The following IRF5 variants were observed in gnomAD, a reference collection of about 807,000 sequenced individuals.
The protein encoded by IRF5 is interferon regulatory factor 5.
A neutral mutation model predicts 55.1 loss-of-function variants in IRF5; 24 were observed. The observed-to-expected ratio is 0.44, with a 90% CI of 0.32 to 0.61. The LOEUF (loss-of-function observed/expected upper bound fraction) is 0.61. IRF5 is among the 20% of genes least tolerant of loss of function. The pLI, the probability that IRF5 is intolerant of heterozygous loss-of-function variation, is 0.07. For missense variants in IRF5, 499 were observed against 658.5 expected (o/e 0.76, Z 2.65); for synonymous variants, 258 against 260.2 (o/e 0.99, Z 0.08).
intron 1 of IRF5, among the ~76,000 whole-genome samples, chr7:128,938,498 A>G (rs1226198083): frequency 1.3e-5 from 2 of 152,008 alleles, no homozygotes; most frequent in Non-Finnish European, 2.9e-5. Context: ...CTTTCGATGC[A>G]CTCGCCCTTG....
intron 2 of IRF5, among the ~76,000 whole-genome samples, chr7:128,945,641 AT>A (rs1796257828): frequency 6.6e-6 from 1 of 152,236 alleles, no homozygotes; most frequent in South Asian, 2.1e-4. Flanking sequence ...TAGCCCCTAG[AT>A]TTCATGTAGC....
rs1380599805 is a variant in IRF5 at position 128,948,790 on chromosome 7, G to A, written c.1517G>A (p.Trp506Ter). ...GAGLGVGQGP[W>*]PMHPAGMQ ...GGCCTTGGTGTTGGCCAGGGGCCCT[G>A]GCCTATGCACCCAGCTGGCATGCAA... is the stretch of plus-strand genomic sequence containing the variant. Residue 506 changes from tryptophan (W) to a stop codon, truncating the protein, a stop_gained, in exon 9 of 9, where the codon TGG becomes TAG. Coordinates refer to ENST00000357234, the MANE Select transcript of IRF5 (RefSeq NM_001098629.3). LOFTEE classifies it high-confidence loss of function. The surrounding 1 kb of genome is among the most constrained non-coding windows in gnomAD (Gnocchi z 4.6). The A allele has an allele frequency of 6.2e-7, 1 of 1,606,808 alleles. No homozygotes were observed. The highest frequency in any genetic ancestry group is 8.5e-7 in the Non-Finnish European group (1 of 1,179,936).
Position 128,948,193 on chromosome 7 carries a change from C to A in IRF5, c.1181-17C>A. 6.2e-7 allele frequency: 1 copy of A among 1,612,000 alleles called. No individual in the cohort carries two copies. Among genetic ancestry groups the A allele is most frequent in the Non-Finnish European group, 8.5e-7 (1 of 1,178,810 alleles). ...CATGGTTCCAGCCTCTGACTAGGGA[C>A]CTTGATTTTGATGCAGAGCTCATCC... is the stretch of plus-strand genomic sequence containing the variant. On this transcript the variant is annotated splice_polypyrimidine_tract_variant and intron_variant, in intron 7 of 8. Coordinates refer to ENST00000357234, the MANE Select transcript of IRF5 (RefSeq NM_001098629.3). The surrounding 1 kb of genome is among the most constrained non-coding windows in gnomAD (Gnocchi z 4.6).
Position 128,947,789 on chromosome 7 carries a change from G to C in IRF5, c.848G>C (p.Ser283Thr). ...RGRPPRALTISNPHGCRLFYS... is the reference protein window; with the variant it reads ...RGRPPRALTITNPHGCRLFYS... ...CGGCCACCCCGGGCCCTCACCATCA[G>C]CAACCCCCATGGCTGCCGGCTCTTC... The change falls in exon 7 of 9, where the codon AGC becomes ACC. Residue 283 changes from serine to threonine, a missense_variant. Ser to Thr is a moderately conservative substitution (Grantham distance 58). This residue lies in a region of IRF5 where 194 missense variants were observed against 318.3 expected (regional missense o/e 0.61). Coordinates refer to ENST00000357234, the MANE Select transcript of IRF5 (RefSeq NM_001098629.3). The surrounding 1 kb of genome is among the most constrained non-coding windows in gnomAD (Gnocchi z 6.5). The C allele has an allele frequency of 3.7e-6, 6 of 1,613,546 alleles. No individual in the cohort carries two copies. The highest frequency in any genetic ancestry group is 5.1e-6 in the Non-Finnish European group (6 of 1,179,862).
At chr7:128,944,335 C>A (rs1001911895) in intron 2 of IRF5, among the ~76,000 whole-genome samples, 1 of 151,936 alleles carries the variant, frequency 6.6e-6, no homozygotes, top group Non-Finnish European at 1.5e-5. Flanking sequence ...CCCTTTTTTT[C>A]ATCCTCAATT....
Position 128,948,490 on chromosome 7 carries a change from C to T in IRF5, c.1300-83C>T, listed in dbSNP as rs970264849. ...GCCGGAGAATGCGGTCTATTACTCA[C>T]CCCTGATGGCTGTCCTCATGCACAG... On this transcript the variant is annotated intron_variant, in intron 8 of 8. Transcript: ENST00000357234. This position sits in a 1 kb window ranked among gnomAD's most constrained non-coding sequence, Gnocchi z 4.6. 3.8e-6 allele frequency: 6 copies of T among 1,568,162 alleles called. No homozygotes were observed. The highest frequency in any genetic ancestry group is 5.2e-6 in the Non-Finnish European group (6 of 1,153,410).
Position 128,945,870 on chromosome 7 carries a change from A to G in IRF5, c.221A>G (p.Tyr74Cys). 6.2e-7 allele frequency: 1 copy of G among 1,612,252 alleles called. No individual in the cohort carries two copies. The highest frequency in any genetic ancestry group is 8.5e-7 in the Non-Finnish European group (1 of 1,179,504). The change falls in exon 3 of 9, where the codon TAC (tyrosine) becomes TGC (cysteine). Residue 74 changes from tyrosine (Y) to cysteine (C), a missense_variant. Transcript: ENST00000357234. ...FKAWAKETGK[Y>C]TEGVDEADPA... is the part of the protein sequence containing the mutation. ...GCCTGGGCCAAGGAGACAGGGAAAT[A>G]CACCGAAGGCGTGGATGAAGCCGAT...
chr7:128,940,074 T>C (rs1325463879), intron 1 of IRF5: 2 of 152,324 alleles, frequency 1.3e-5, no homozygotes, highest in East Asian at 1.9e-4. Flanking sequence ...TGTGGCATGG[T>C]GGACAGACTC....
Position 128,938,798 on chromosome 7 carries a change from G to A in IRF5, c.-12+749G>A, listed in dbSNP as rs1244198199. On this transcript the variant is annotated intron_variant, in intron 1 of 8. Coordinates refer to ENST00000357234, the MANE Select transcript of IRF5 (RefSeq NM_001098629.3). ...CGTGGAGGAAAAGTGAGGCTAGCAT[G>A]GCCGGGATGCGTGGGGAGATGGTTG... Among the ~76,000 whole-genome samples the A allele has an allele frequency of 3.3e-5, 5 of 152,260 alleles. No homozygotes were observed. The East Asian group carries it at 9.7e-4, about 29-fold the overall frequency.
Position 128,948,592 on chromosome 7 carries a change from G to A in IRF5, c.1319G>A (p.Arg440Gln), listed in dbSNP as rs1192495423. 8.1e-6 allele frequency: 13 copies of A among 1,613,930 alleles called. No individual in the cohort carries two copies. Among genetic ancestry groups the A allele is most frequent in the Non-Finnish European group, 1.0e-5 (12 of 1,180,026 alleles). ...TCCCAGGTGGTGCCTGTAGCAGCTC[G>A]ACTGCTGCTGGAGATGTTCTCAGGG... ...ITVQVVPVAA[R>Q]LLLEMFSGEL... The change falls in exon 9 of 9, where the codon CGA becomes CAA. Residue 440 changes from arginine (R) to glutamine (Q), a missense_variant. This residue lies in a region of IRF5 where 194 missense variants were observed against 318.3 expected (regional missense o/e 0.61). Coordinates refer to ENST00000357234, the MANE Select transcript of IRF5 (RefSeq NM_001098629.3). The surrounding 1 kb of genome is among the most constrained non-coding windows in gnomAD (Gnocchi z 4.6).
At chr7:128,937,863 G>GGGGCC (rs1795820630), upstream of IRF5, 1 of 150,786 alleles carries the variant, frequency 6.6e-6, no homozygotes, top group Non-Finnish European at 1.5e-5. Flanking sequence ...GTGGATTCGC[G>GGGGCC]GGGCGGGGCG....
intron 1 of IRF5, chr7:128,938,289 C>T (rs938232464): frequency 1.3e-5 from 2 of 152,352 alleles, no homozygotes; most frequent in African/African-American, 2.4e-5. Context: ...CTGGGACTTC[C>T]AAAGCGCCTC....
intron 2 of IRF5, among the ~76,000 whole-genome samples, chr7:128,944,303 C>T (rs1796191410): frequency 6.6e-6 from 1 of 152,156 alleles, no homozygotes; most frequent in Admixed American, 6.5e-5. Context: ...ACCACATTGT[C>T]ATGTAGGCTG....
At chr7:128,938,893 C>T (rs928065759) in intron 1 of IRF5, among the ~76,000 whole-genome samples, 1 of 151,964 alleles carries the variant, frequency 6.6e-6, no homozygotes, top group African/African-American at 2.4e-5. Context: ...CTTTCCCAGC[C>T]TCGCGGCCAC....
rs978755804 is a variant in IRF5 at position 128,946,773 on chromosome 7, G to A, written c.447+211G>A. 6.3e-6 allele frequency: 4 copies of A among 637,200 alleles called. No homozygotes were observed. The highest frequency in any genetic ancestry group is 2.5e-5 in the Admixed American group (1 of 39,826). The allele number at this position is 637,200 out of a possible 1,614,324, so 39.5% of individuals were successfully genotyped here. A position where few individuals can be genotyped will look rare whatever the true frequency, so the allele number is the denominator to read the frequency against. On this transcript the variant is annotated intron_variant, in intron 4 of 8. Transcript: ENST00000357234. This position sits in a 1 kb window ranked among gnomAD's most constrained non-coding sequence, Gnocchi z 4.2. ...TCATTACCCTGTGTGTGTGACCCAC[G>A]CAGCAGTTGGGGCTTGGTAGGTCTG...
rs369114262 is a variant in IRF5 at position 128,948,293 on chromosome 7, C to A, written c.1264C>A (p.Arg422Ser). 1 of 1,611,742 alleles carries A rather than the reference C, an allele frequency of 6.2e-7. No homozygotes were observed. The highest frequency in any genetic ancestry group is 8.5e-7 in the Non-Finnish European group (1 of 1,179,198). Residue 422 changes from arginine (R) to serine (S), a missense_variant, in exon 8 of 9, where the codon CGC (arginine) becomes AGC (serine). By Grantham distance (110) the Arg-to-Ser change is moderately radical. This residue lies in a region of IRF5 where 194 missense variants were observed against 318.3 expected (regional missense o/e 0.61). Transcript: ENST00000357234. The surrounding 1 kb of genome is among the most constrained non-coding windows in gnomAD (Gnocchi z 4.6). Reference protein sequence around the residue: ...FFCFGEEWPDRKPREKKLITV... With the variant: ...FFCFGEEWPDSKPREKKLITV... ...CTGCTTTGGGGAAGAATGGCCTGAC[C>A]GCAAACCCCGAGAGAAGAAGCTCAT...
Position 128,946,636 on chromosome 7 carries a change from C to T in IRF5, c.447+74C>T. ...TGTCCCCATCGGCCTTAGGTTTCCG[C>T]AGCCCCACTCCCATGGAGCCCCGTG... On this transcript the variant is annotated intron_variant, in intron 4 of 8. Coordinates refer to ENST00000357234, the MANE Select transcript of IRF5 (RefSeq NM_001098629.3). The surrounding 1 kb of genome is among the most constrained non-coding windows in gnomAD (Gnocchi z 4.2). The T allele has an allele frequency of 2.0e-6, 2 of 978,018 alleles. No individual in the cohort carries two copies. Among genetic ancestry groups the T allele is most frequent in the South Asian group, 1.4e-5 (1 of 72,750 alleles). 60.6% of individuals were successfully genotyped at this position (978,018 alleles called of 1,614,324 possible). A position where few individuals can be genotyped will look rare whatever the true frequency, so the allele number is the denominator to read the frequency against.
chr7:128,942,026 C>A, intron 1 of IRF5, 45 bp from the exon 2 acceptor site: 1 of 1,468,110 alleles, frequency 6.8e-7, no homozygotes, highest in Non-Finnish European at 9.3e-7. Flanking sequence ...CTGTCCCCAT[C>A]CACCTGCAGA....
chr7:128,942,087 C>T lies in IRF5; in HGVS notation c.6C>T (p.Asn2=). ...CTCCTGCAGACCCCTCTGCCATGAA[C>T]CAGTCCATCCCAGTGGCTCCCACCC... M[N]QSIPVAPTPP... The change falls in exon 2 of 9, where the codon AAC becomes AAT. Residue 2 remains asparagine, a synonymous_variant. Transcript: ENST00000357234. 6.2e-7 allele frequency: 1 copy of T among 1,605,762 alleles called. No homozygotes were observed. Among genetic ancestry groups the T allele is most frequent in the African/African-American group, 1.3e-5 (1 of 74,878 alleles).
Sources: gnomAD v4.1 joint callset for allele counts (sites outside exome capture counted in the v4.1 genomes callset) on GRCh38, gnomAD v4.1.1 for gene constraint, gnomAD v4.1.1 regional missense constraint, Gnocchi (gnomAD v3.1) non-coding constraint, MANE v1.5 for transcripts, NCBI Gene and HGNC (gene_info 2026-07-23, HGNC 2026-07-21) for gene names.